Variants in DSG2 observed in about 807,000 individuals in gnomAD.
DSG2 encodes the protein desmoglein-2.
Under a neutral mutation model 75.6 loss-of-function variants are expected in DSG2, and 45 were observed. The ratio of observed to expected loss-of-function variants is 0.60; its 90% CI spans 0.47 to 0.76. The LOEUF is 0.76. Ranked by LOEUF, DSG2 falls within the 30% of genes least tolerant of loss-of-function variation. The probability of loss-of-function intolerance (pLI) is 0.00; values close to 1 mark genes in which losing one functional copy is unlikely to be tolerated. For synonymous variants in DSG2, 429 were observed against 483.9 expected, an observed-to-expected ratio of 0.89 and a Z score of 1.49; for missense variants, 1,267 against 1,357.4, an observed-to-expected ratio of 0.93 and a Z score of 1.05.
At chr18:31,524,938 G>C (rs2073155023) in intron 8 of DSG2, 50 bp downstream of exon 8, 8 of 1,550,594 alleles carry the variant, frequency 5.2e-6, no homozygotes, top group Non-Finnish European at 7.1e-6. Flanking sequence ...GTGCTGGAAA[G>C]GAATCTAATA....
Position 31,522,773 on chromosome 18 carries a change from C to T in DSG2, c.690+524C>T, listed in dbSNP as rs140406078. Among the ~76,000 whole-genome samples the T allele has an allele frequency of 4.8e-3, 726 of 152,120 alleles. 1 individual carries two copies. Among genetic ancestry groups the T allele is most frequent in the Non-Finnish European group, 7.5e-3 (510 of 68,008 alleles). ...AATGAAACATTAGGAGGCTCCTCCA[C>T]GGCTAGTACGTAGGAGGCAGTGAGG... On this transcript the variant is annotated intron_variant, in intron 6 of 14. Transcript: ENST00000261590.
rs2073132518 is a variant in DSG2, at chr18:31,522,192, C to T, written c.633C>T (p.Phe211=). The T allele has an allele frequency of 6.2e-7, 1 of 1,613,708 alleles. No homozygotes were observed. Among genetic ancestry groups the T allele is most frequent in the African/African-American group, 1.3e-5 (1 of 74,902 alleles). Residue 211 remains phenylalanine, a synonymous_variant, in exon 6 of 15, where the codon TTC becomes TTT. Coordinates refer to ENST00000261590, the MANE Select transcript of DSG2 (RefSeq NM_001943.5). ...VSLEPAYPPV[F]YLNKDTGEIY... is the part of the protein sequence containing the mutation. ...TGGAGCCTGCTTATCCTCCAGTGTT[C>T]TACCTAAATAAAGATACAGGAGAGA...
At chr18:31,506,580 T>G (rs1319578286) in intron 1 of DSG2, among the ~76,000 whole-genome samples, 2 of 152,226 alleles carry the variant, frequency 1.3e-5, no homozygotes, top group African/African-American at 4.8e-5. Context: ...AAGGACAGTC[T>G]GAAGCTCTTG....
rs778119035 is a variant in DSG2, at chr18:31,536,333, G to C, written c.1555G>C (p.Asp519His). The C allele has an allele frequency of 1.9e-6, 3 of 1,614,182 alleles. No individual in the cohort carries two copies. Among genetic ancestry groups the C allele is most frequent in the Non-Finnish European group, 2.5e-6 (3 of 1,180,040 alleles). The change falls in exon 11 of 15, where the codon GAC (aspartate) becomes CAC (histidine). Residue 519 changes from aspartate to histidine, a missense_variant. Physicochemically the swap from Asp to His is moderately conservative, Grantham distance 81 (BLOSUM62 -1). Coordinates refer to ENST00000261590, the MANE Select transcript of DSG2 (RefSeq NM_001943.5). ...DAEYVNVTAE[D>H]LDGHPNSGPF... ...AGAGTATGTGAATGTTACTGCAGAGGACCTGGATGGACACCCAAACAGTGG... is the reference window on the plus strand; with the variant it reads ...AGAGTATGTGAATGTTACTGCAGAGCACCTGGATGGACACCCAAACAGTGG...
intron 8 of DSG2, among the ~76,000 whole-genome samples, chr18:31,527,794 TCA>T (rs1280060729): frequency 6.6e-6 from 1 of 152,220 alleles, no homozygotes; most frequent in East Asian, 1.9e-4. Flanking sequence ...AATTTATTTC[TCA>T]CAGTTCTGGA....
chr18:31,498,260 G>T lies in DSG2; in HGVS notation c.9G>T (p.Arg3=). The T allele has an allele frequency of 7.9e-7, 1 of 1,261,036 alleles. No homozygotes were observed. Among genetic ancestry groups the T allele is most frequent in the Non-Finnish European group, 1.0e-6 (1 of 998,902 alleles). 78.1% of individuals were successfully genotyped at this position (1,261,036 alleles called of 1,614,324 possible). Residue 3 remains arginine (R), a synonymous_variant, in exon 1 of 15, where the codon CGG becomes CGT. Coordinates refer to ENST00000261590, the MANE Select transcript of DSG2 (RefSeq NM_001943.5). ...GCGGAGGCGAGGGTGCGATGGCGCG[G>T]AGCCCGGGACGCGCGTACGCCCTGC... The part of the protein sequence containing the change: MA[R]SPGRAYALLL...
intron 1 of DSG2, among the ~76,000 whole-genome samples, chr18:31,500,468 G>C (rs529898133): frequency 6.6e-6 from 1 of 152,250 alleles, no homozygotes; most frequent in Admixed American, 6.5e-5. Context: ...TTGCCTCTTG[G>C]TGTTCACAAA....
Position 31,519,849 on chromosome 18 carries a change from A to G in DSG2, c.128A>G (p.His43Arg), listed in dbSNP as rs370922106. The change falls in exon 3 of 15, where the codon CAT becomes CGT. Residue 43 changes from histidine (H) to arginine (R), a missense_variant. Physicochemically the swap from His to Arg is conservative, Grantham distance 29. Coordinates refer to ENST00000261590, the MANE Select transcript of DSG2 (RefSeq NM_001943.5). ...NENKLLPKHP[H>R]LVRQKRAWIT... ...AATAAGCTGCTTCCTAAACATCCTC[A>G]TTTAGTGCGGCAAAAGCGCGCCTGG... 9 of 1,614,012 alleles carry G rather than the reference A, an allele frequency of 5.6e-6. No individual in the cohort carries two copies. Among genetic ancestry groups the G allele is most frequent in the Middle Eastern group, 1.6e-4 (1 of 6,084 alleles).
At chr18:31,532,821 T>C (rs966444003) in intron 9 of DSG2, among the ~76,000 whole-genome samples, 6 of 152,222 alleles carry the variant, frequency 3.9e-5, no homozygotes, top group South Asian at 4.1e-4. Flanking sequence ...GAGAAACTTA[T>C]ATGTTCAAAC....
chr18:31,542,742 A>G lies in DSG2; in HGVS notation c.2224A>G (p.Thr742Ala), dbSNP rs1391006811. The G allele has an allele frequency of 6.2e-7, 1 of 1,613,990 alleles. No homozygotes were observed. The highest frequency in any genetic ancestry group is 2.2e-5 in the East Asian group (1 of 44,890). The change falls in exon 14 of 15, where the codon ACT becomes GCT. Residue 742 changes from threonine to alanine, a missense_variant. Physicochemically the swap from Thr to Ala is moderately conservative, Grantham distance 58 (BLOSUM62 0). Coordinates refer to ENST00000261590, the MANE Select transcript of DSG2 (RefSeq NM_001943.5). ...FTGATGAIMT[T>A]ETTKTARATG... ...AGGGGCCACAGGCGCTATCATGACC[A>G]CTGAAACCACGAAGACCGCAAGGGC...
intron 2 of DSG2, among the ~76,000 whole-genome samples, chr18:31,519,568 G>GA (rs2073114675): frequency 6.6e-6 from 1 of 151,916 alleles, no homozygotes; most frequent in Non-Finnish European, 1.5e-5. Flanking sequence ...TGTCTCAAAA[G>GA]AAAAAATAAA....
intron 3 of DSG2, among the ~76,000 whole-genome samples, chr18:31,520,235 CAA>C (rs1231340527): frequency 6.6e-6 from 1 of 152,044 alleles, no homozygotes; most frequent in Non-Finnish European, 1.5e-5. Flanking sequence ...GTTCAGTGCT[CAA>C]AAGAGGATGT....
chr18:31,522,236 C>T lies in DSG2; in HGVS notation c.677C>T (p.Thr226Ile), dbSNP rs751490881. Residue 226 changes from threonine to isoleucine, a missense_variant, in exon 6 of 15, where the codon ACC becomes ATC. Physicochemically the swap from Thr to Ile is moderately conservative, Grantham distance 89 (BLOSUM62 -1). Transcript: ENST00000261590. Reference sequence around the variant, plus strand: ...GGAGAGATTTATACAACCAGTGTTACCTTGGACAGAGAGGTAAGTTAATAT... The same window carrying T: ...GGAGAGATTTATACAACCAGTGTTATCTTGGACAGAGAGGTAAGTTAATAT... ...DTGEIYTTSV[T>I]LDREEHSSYT... The T allele has an allele frequency of 3.1e-6, 5 of 1,613,480 alleles. No homozygotes were observed. Among genetic ancestry groups the T allele is most frequent in the Non-Finnish European group, 2.5e-6 (3 of 1,179,500 alleles).
Position 31,519,929 on chromosome 18 carries a change from A to G in DSG2, c.208A>G (p.Ile70Val), listed in dbSNP as rs769713919. ...EGEDLSKKNP[I>V]AKIHSDLAEE... Reference sequence around the variant, plus strand: ...AGAGGATCTGTCCAAGAAGAATCCAATTGCCAAGGTACCTCCTAAAGAGGA... The same window carrying G: ...AGAGGATCTGTCCAAGAAGAATCCAGTTGCCAAGGTACCTCCTAAAGAGGA... The change falls in exon 3 of 15, where the codon ATT becomes GTT. Residue 70 changes from isoleucine (I) to valine (V), a missense_variant. By Grantham distance (29) the Ile-to-Val change is conservative. Transcript: ENST00000261590. 39 of 1,614,050 alleles carry G rather than the reference A, an allele frequency of 2.4e-5. No homozygotes were observed. The highest frequency in any genetic ancestry group is 7.7e-5 in the South Asian group (7 of 91,088).
intron 2 of DSG2, 68 bp downstream of exon 2, chr18:31,518,342 A>G: frequency 7.6e-7 from 1 of 1,313,250 alleles, no homozygotes; most frequent in South Asian, 1.2e-5. Context: ...AAACAGGTTG[A>G]CTGGGCTTTA....
At chr18:31,533,846 C>T (rs978352074) in intron 9 of DSG2, among the ~76,000 whole-genome samples, 6 of 152,168 alleles carry the variant, frequency 3.9e-5, no homozygotes, top group Non-Finnish European at 4.4e-5. Context: ...GCCACTCATT[C>T]CTGTGTGCCT....
intron 1 of DSG2, among the ~76,000 whole-genome samples, chr18:31,500,677 C>T (rs2073009152): frequency 1.3e-5 from 2 of 152,166 alleles, no homozygotes. Flanking sequence ...TCGCTTTCCT[C>T]AGCAGTGCAG....
Position 31,531,104 on chromosome 18 carries a change from A to C in DSG2, c.1132A>C (p.Lys378Gln). ...YKPTPIPIKV[K>Q]VKNVKEGIHF... ...GCCTACACCCATTCCCATCAAGGTCAAAGTGAAAAATGTGAAAGAAGGCAT... is the reference window on the plus strand; with the variant it reads ...GCCTACACCCATTCCCATCAAGGTCCAAGTGAAAAATGTGAAAGAAGGCAT... The change falls in exon 9 of 15, where the codon AAA (lysine) becomes CAA (glutamine). Residue 378 changes from lysine (K) to glutamine (Q), a missense_variant. By Grantham distance (53) the Lys-to-Gln change is moderately conservative (BLOSUM62 1). Transcript: ENST00000261590. The C allele has an allele frequency of 6.2e-7, 1 of 1,614,144 alleles. No homozygotes were observed. The highest frequency in any genetic ancestry group is 8.5e-7 in the Non-Finnish European group (1 of 1,180,020).
intron 1 of DSG2, among the ~76,000 whole-genome samples, chr18:31,516,126 CAA>C (rs59372594): frequency 0.019 from 2,906 of 150,114 alleles, 94 homozygotes; most frequent in African/African-American, 0.067. Flanking sequence ...TTAACAGAAA[CAA>C]GAGAGGGATC....
Sources: gnomAD v4.1 joint callset for allele counts (sites outside exome capture counted in the v4.1 genomes callset) on GRCh38, gnomAD v4.1.1 for gene constraint, MANE v1.5 for transcripts, NCBI Gene and HGNC (gene_info 2026-07-23, HGNC 2026-07-21) for gene names.